TUBGCP3: variants seen among roughly 807,000 people sequenced by gnomAD.
TUBGCP3 encodes gamma-tubulin complex component 3.
A neutral mutation model predicts 123.1 loss-of-function variants in TUBGCP3; 50 were observed. The observed-to-expected ratio is 0.41, with a 90% CI of 0.32 to 0.51. The LOEUF (loss-of-function observed/expected upper bound fraction) is 0.51. TUBGCP3 is among the 20% of genes least tolerant of loss of function. The pLI is 0.36. For synonymous variants in TUBGCP3, 405 were observed against 413.9 expected (o/e 0.98, Z 0.26); for missense variants, 882 against 1,127.0 (o/e 0.78, Z 3.11).
chr13:112,569,554 A>G (rs1314384870), intron 1 of TUBGCP3, among the ~76,000 whole-genome samples: 1 of 152,210 alleles, frequency 6.6e-6, no homozygotes, highest in Non-Finnish European at 1.5e-5. Context: ...AAAGGGTCAC[A>G]TCCCAACACA....
intron 1 of TUBGCP3, among the ~76,000 whole-genome samples, chr13:112,583,644 T>TA (rs1882418459): frequency 6.6e-6 from 1 of 152,218 alleles, no homozygotes; most frequent in South Asian, 2.1e-4. Context: ...CTCAAGTGAA[T>TA]ACAGAAACTC....
chr13:112,533,376 C>A (rs543783427), intron 11 of TUBGCP3, among the ~76,000 whole-genome samples: 3 of 152,324 alleles, frequency 2.0e-5, no homozygotes, highest in Admixed American at 2.0e-4. Flanking sequence ...GCCCATGCAT[C>A]TCTCATGTTT....
intron 20 of TUBGCP3, among the ~76,000 whole-genome samples, chr13:112,498,634 CT>C (rs562149698): frequency 9.3e-4 from 141 of 152,342 alleles, no homozygotes; most frequent in Non-Finnish European, 1.6e-3. Context: ...GGACATAAGA[CT>C]GCTCTAAGTT....
chr13:112,514,925 T>C (rs917168715), intron 17 of TUBGCP3, among the ~76,000 whole-genome samples: 4 of 152,206 alleles, frequency 2.6e-5, no homozygotes, highest in Non-Finnish European at 5.9e-5. Context: ...AAATCATATG[T>C]ACATGAGGTA....
chr13:112,555,968 G>T (rs1240269692), intron 6 of TUBGCP3, 84 bp downstream of exon 6: 4 of 1,428,256 alleles, frequency 2.8e-6, no homozygotes, highest in Non-Finnish European at 3.8e-6. Flanking sequence ...TTGAGGTGGG[G>T]CTCCTGGGCT....
chr13:112,510,452 G>T (rs1258360181), intron 17 of TUBGCP3, among the ~76,000 whole-genome samples: 1 of 152,158 alleles, frequency 6.6e-6, no homozygotes, highest in Non-Finnish European at 1.5e-5. Flanking sequence ...GTACCCATCT[G>T]ATCTATTTTT....
intron 8 of TUBGCP3, among the ~76,000 whole-genome samples, chr13:112,552,923 C>T (rs960564136): frequency 2.0e-4 from 30 of 147,072 alleles, no homozygotes; most frequent in African/African-American, 8.1e-4. Context: ...GCTGCCACAG[C>T]ACACTCCTCC....
rs1876433397 is a variant in TUBGCP3 at position 112,519,497 on chromosome 13, T to A, written c.1881+389A>T. On this transcript the variant is annotated intron_variant, in intron 15 of 21. Transcript: ENST00000261965. This position sits in a 1 kb window ranked among gnomAD's most constrained non-coding sequence, Gnocchi z 6.2. Reference sequence around the variant, plus strand: ...TCCTACCAAACTGCAACTAAAAGCATCCATTTTCTGATAAATACCATCGTA... The same window carrying A: ...TCCTACCAAACTGCAACTAAAAGCAACCATTTTCTGATAAATACCATCGTA... Among the ~76,000 whole-genome samples the A allele has an allele frequency of 6.6e-6, 1 of 152,210 alleles. No individual in the cohort carries two copies. Among genetic ancestry groups the A allele is most frequent in the East Asian group, 1.9e-4 (1 of 5,198 alleles).
chr13:112,522,547 T>C, intron 13 of TUBGCP3, 38 bp from the exon 14 acceptor site: 3 of 1,572,636 alleles, frequency 1.9e-6, no homozygotes, highest in Non-Finnish European at 2.6e-6. Context: ...CATGCATATG[T>C]AATTTGTATT....
rs181425476 is a variant in TUBGCP3, at chr13:112,498,047, T to C, written c.2448+998A>G. Among the ~76,000 whole-genome samples, 890 of 152,054 alleles carry C rather than the reference T, an allele frequency of 5.9e-3. 9 individuals are homozygous for C. The highest frequency in any genetic ancestry group is 0.02 in the African/African-American group (848 of 41,416). ...ATATACATGTACACACACACACACATGCATGTACCTGTAAACACACATATA... is the reference window on the plus strand; with the variant it reads ...ATATACATGTACACACACACACACACGCATGTACCTGTAAACACACATATA... On this transcript the variant is annotated intron_variant, in intron 20 of 21. Transcript: ENST00000261965.
At position 112,559,398 on chromosome 13, in the gene TUBGCP3, C is replaced by T; in HGVS notation, c.254G>A (p.Gly85Glu). The change falls in exon 4 of 22, where the codon GGA becomes GAA. Residue 85 changes from glycine (G) to glutamate (E), a missense_variant and splice_region_variant. Gly to Glu is a moderately conservative substitution (Grantham distance 98, BLOSUM62 -2). This residue lies in a region of TUBGCP3 where 713 missense variants were observed against 874.0 expected (regional missense o/e 0.82). Transcript: ENST00000261965. ...SELHRKLHSQ[G>E]VLKNKWSILY... ...TATTGACCATTTATTTTTCAAAACT[C>T]CCTGTTTGGAAAAAAGTTAATATTA... The T allele has an allele frequency of 6.3e-7, 1 of 1,593,544 alleles. No individual in the cohort carries two copies. The highest frequency in any genetic ancestry group is 8.6e-7 in the Non-Finnish European group (1 of 1,165,884).
Position 112,519,105 on chromosome 13 carries a change from A to G in TUBGCP3, c.1882-62T>C. 7.2e-7 allele frequency: 1 copy of G among 1,381,598 alleles called. No individual in the cohort carries two copies. The highest frequency in any genetic ancestry group is 1.0e-6 in the Non-Finnish European group (1 of 970,232). The allele number at this position is 1,381,598 out of a possible 1,614,324, so 85.6% of individuals were successfully genotyped here. On this transcript the variant is annotated intron_variant, in intron 15 of 21. Coordinates refer to ENST00000261965, the MANE Select transcript of TUBGCP3 (RefSeq NM_006322.6). This position sits in a 1 kb window ranked among gnomAD's most constrained non-coding sequence, Gnocchi z 6.2. Reference sequence around the variant, plus strand: ...AAGCTTCTTGCTGAAGAACTTGTTAACGCAAAGAAAAAGCAGTAAAATAAT... The same window carrying G: ...AAGCTTCTTGCTGAAGAACTTGTTAGCGCAAAGAAAAAGCAGTAAAATAAT...
At chr13:112,590,925 AC>A (rs1354900362), upstream of TUBGCP3, among the ~76,000 whole-genome samples, 1 of 152,222 alleles carries the variant, frequency 6.6e-6, no homozygotes, top group African/African-American at 2.4e-5. Context: ...ATTATAACGG[AC>A]AGACCTATGA....
intron 17 of TUBGCP3, among the ~76,000 whole-genome samples, chr13:112,512,270 A>G (rs548210709): frequency 6.6e-6 from 1 of 151,998 alleles, no homozygotes; most frequent in East Asian, 1.9e-4. Flanking sequence ...ACAAATATTA[A>G]CACAAAAAAT....
intron 11 of TUBGCP3, among the ~76,000 whole-genome samples, chr13:112,538,857 CAAAG>C (rs1249961982): frequency 2.6e-5 from 4 of 151,940 alleles, no homozygotes; most frequent in Admixed American, 6.6e-5. Flanking sequence ...ATAGAAGAAA[CAAAG>C]AGACAAAATT....
At position 112,547,610 on chromosome 13, in the gene TUBGCP3, C is replaced by A; in HGVS notation, c.1168+10G>T. On this transcript the variant is annotated intron_variant, in intron 10 of 21. Transcript: ENST00000261965. ...GGGAAAGACGTGCGTGGGAAAGACG[C>A]GCGTGGGACCTTGGCAGTGGTCCAC... The A allele has an allele frequency of 2.7e-6, 4 of 1,499,688 alleles. No homozygotes were observed. The highest frequency in any genetic ancestry group is 1.9e-4 in the Middle Eastern group (1 of 5,372). 92.9% of individuals were successfully genotyped at this position (1,499,688 alleles called of 1,614,324 possible).
chr13:112,548,242 A>G, intron 8 of TUBGCP3, 66 bp from the exon 9 acceptor site: 1 of 1,340,762 alleles, frequency 7.5e-7, no homozygotes, highest in South Asian at 1.4e-5. Flanking sequence ...TTTTAAGTGG[A>G]AAGGTATAAT....
chr13:112,560,504 A>G (rs1880427640), intron 3 of TUBGCP3, among the ~76,000 whole-genome samples: 1 of 152,172 alleles, frequency 6.6e-6, no homozygotes, highest in Non-Finnish European at 1.5e-5. Context: ...TGCAAGGGTT[A>G]TCATACAGAT....
intron 3 of TUBGCP3, 37 bp from the exon 4 acceptor site, chr13:112,559,436 T>C: frequency 6.6e-7 from 1 of 1,504,472 alleles, no homozygotes; most frequent in Non-Finnish European, 9.2e-7. Flanking sequence ...AGAACGATTT[T>C]ATACTACTCT....
Sources: allele counts gnomAD v4.1 joint callset (sites outside exome capture counted in the v4.1 genomes callset), GRCh38; gene constraint gnomAD v4.1.1; regional missense constraint gnomAD v4.1.1; non-coding constraint Gnocchi (gnomAD v3.1); transcripts MANE v1.5; gene names NCBI Gene and HGNC (gene_info 2026-07-23, HGNC 2026-07-21).